Variants in FSIP1 observed in about 807,000 individuals in gnomAD.
FSIP1 encodes fibrous sheath-interacting protein 1.
Under a neutral mutation model 60.9 loss-of-function variants are expected in FSIP1, and 65 were observed. That is an observed-to-expected ratio of 1.07 (90% CI 0.87 to 1.31). The LOEUF is 1.31. FSIP1 is among the 40% of genes most tolerant of loss of function. The pLI is 0.00. For synonymous variants in FSIP1, 209 were observed against 221.2 expected, an observed-to-expected ratio of 0.94 and a Z score of 0.49; for missense variants, 675 against 665.5, an observed-to-expected ratio of 1.01 and a Z score of -0.16.
At chr15:39,655,029 A>G (rs1412251167) in intron 10 of FSIP1, among the ~76,000 whole-genome samples, 1 of 152,214 alleles carries the variant, frequency 6.6e-6, no homozygotes, top group Non-Finnish European at 1.5e-5. Context: ...TTGAGCTGGC[A>G]TTCTCTATTT....
intron 1 of FSIP1, among the ~76,000 whole-genome samples, chr15:39,781,898 C>T (rs1898277476): frequency 6.6e-6 from 1 of 152,198 alleles, no homozygotes; most frequent in Admixed American, 6.5e-5. Flanking sequence ...TTGGTAATTA[C>T]ATAACTGTAT....
downstream of FSIP1, chr15:39,597,995 T>A (rs1247801544): frequency 6.6e-6 from 1 of 152,138 alleles, no homozygotes; most frequent in Non-Finnish European, 1.5e-5. Context: ...GAAGGAATAA[T>A]AAGTTTAATC....
chr15:39,618,131 C>T lies in FSIP1; in HGVS notation c.1303G>A (p.Glu435Lys), dbSNP rs1482787943. 1 of 1,614,036 alleles carries T rather than the reference C, an allele frequency of 6.2e-7. No homozygotes were observed. Among genetic ancestry groups the T allele is most frequent in the African/African-American group, 1.3e-5 (1 of 74,934 alleles). The change falls in exon 11 of 12, where the codon GAG (glutamate) becomes AAG (lysine). Residue 435 changes from glutamate (E) to lysine (K), a missense_variant. Glu to Lys is a moderately conservative substitution (Grantham distance 56). Coordinates refer to ENST00000350221, the MANE Select transcript of FSIP1 (RefSeq NM_152597.5). Reference protein sequence around the residue: ...LSSERKKEDIEDVTPVFPQLS... With the variant: ...LSSERKKEDIKDVTPVFPQLS... ...TGGGGGAACACAGGTGTTACGTCCT[C>T]AATGTCTTCCTTTTTTCTTTCTGAA...
chr15:39,628,082 G>T (rs1891719475), intron 10 of FSIP1, among the ~76,000 whole-genome samples: 1 of 152,228 alleles, frequency 6.6e-6, no homozygotes, highest in Non-Finnish European at 1.5e-5. Flanking sequence ...ATAGGAGATA[G>T]GAGGCAAAGT....
chr15:39,600,942 A>G lies in FSIP1; in HGVS notation c.1700-16T>C. On this transcript the variant is annotated splice_polypyrimidine_tract_variant and intron_variant, in intron 11 of 11. Coordinates refer to ENST00000350221, the MANE Select transcript of FSIP1 (RefSeq NM_152597.5). ...TCCTGCTCATCTGCACATAAAAACA[A>G]TAACCACAGTTATTAGAGATTCAGA... is the stretch of plus-strand genomic sequence containing the variant. The G allele has an allele frequency of 1.9e-6, 3 of 1,597,898 alleles. No individual in the cohort carries two copies. Among genetic ancestry groups the G allele is most frequent in the Non-Finnish European group, 2.6e-6 (3 of 1,171,638 alleles).
chr15:39,634,516 C>T (rs527618595), intron 10 of FSIP1, among the ~76,000 whole-genome samples: 6 of 152,314 alleles, frequency 3.9e-5, no homozygotes, highest in Admixed American at 3.9e-4. Flanking sequence ...TCTGGCAACA[C>T]CTGGATAGAG....
At chr15:39,611,505 T>C (rs1280100115) in intron 11 of FSIP1, among the ~76,000 whole-genome samples, 1 of 152,116 alleles carries the variant, frequency 6.6e-6, no homozygotes, top group Admixed American at 6.6e-5. Flanking sequence ...AAACCTGTAA[T>C]AGTTGCACAA....
At chr15:39,683,964 C>T (rs369750063) in intron 10 of FSIP1, among the ~76,000 whole-genome samples, 24 of 152,150 alleles carry the variant, frequency 1.6e-4, no homozygotes, top group East Asian at 1.3e-3. Context: ...CAGAGGCATA[C>T]CATGTTGATG....
intron 7 of FSIP1, among the ~76,000 whole-genome samples, chr15:39,739,146 T>C (rs1477533931): frequency 6.6e-6 from 1 of 152,092 alleles, no homozygotes; most frequent in Admixed American, 6.5e-5. Flanking sequence ...CAAAGATAGG[T>C]GCTTGAAGCA....
At chr15:39,652,701 G>T (rs950481767) in intron 10 of FSIP1, among the ~76,000 whole-genome samples, 1 of 151,934 alleles carries the variant, frequency 6.6e-6, no homozygotes, top group African/African-American at 2.4e-5. Flanking sequence ...TATTTCATTT[G>T]TTATACACAA....
intron 10 of FSIP1, among the ~76,000 whole-genome samples, chr15:39,636,022 C>G (rs1892123017): frequency 6.6e-6 from 1 of 152,100 alleles, no homozygotes; most frequent in Non-Finnish European, 1.5e-5. Flanking sequence ...TCAAGGAAAA[C>G]AATTGGAATA....
intron 10 of FSIP1, among the ~76,000 whole-genome samples, chr15:39,631,288 G>A (rs1179419214): frequency 2.0e-5 from 3 of 152,098 alleles, no homozygotes; most frequent in South Asian, 2.1e-4. Context: ...TTCTCTCCCC[G>A]ATGTCTTGTT....
At chr15:39,639,426 C>G (rs189747310) in intron 10 of FSIP1, among the ~76,000 whole-genome samples, 3 of 151,978 alleles carry the variant, frequency 2.0e-5, no homozygotes, top group Non-Finnish European at 2.9e-5. Context: ...GTAATTGAAA[C>G]AAACAATTTT....
chr15:39,648,623 ATAGTGATGTAAAT>A (rs1892732436), intron 10 of FSIP1, among the ~76,000 whole-genome samples: 3 of 152,258 alleles, frequency 2.0e-5, no homozygotes, highest in Admixed American at 2.0e-4. Context: ...TTTTAAAATT[ATAGTGATGTAAAT>A]AAGATACTAA....
chr15:39,688,326 C>T (rs907647555), intron 10 of FSIP1, among the ~76,000 whole-genome samples: 17 of 152,176 alleles, frequency 1.1e-4, no homozygotes, highest in African/African-American at 3.9e-4. Flanking sequence ...TACTGAACAT[C>T]ATAGTTTAGT....
intron 10 of FSIP1, among the ~76,000 whole-genome samples, chr15:39,682,483 G>T (rs1894205392): frequency 6.6e-6 from 1 of 152,174 alleles, no homozygotes; most frequent in South Asian, 2.1e-4. Flanking sequence ...TGCAGGCACA[G>T]CCCACGGCAT....
chr15:39,775,702 C>G (rs905981868), intron 2 of FSIP1, among the ~76,000 whole-genome samples: 4 of 152,116 alleles, frequency 2.6e-5, no homozygotes, highest in African/African-American at 9.7e-5. Context: ...GTAGCACCTC[C>G]TCCTTCACTC....
intron 9 of FSIP1, among the ~76,000 whole-genome samples, chr15:39,718,562 C>A (rs1895839178): frequency 2.0e-5 from 3 of 149,620 alleles, no homozygotes. Context: ...ACAACCACAT[C>A]TCACTGCAGA....
At chr15:39,745,486 T>C (rs1896963213) in intron 5 of FSIP1, among the ~76,000 whole-genome samples, 1 of 152,160 alleles carries the variant, frequency 6.6e-6, no homozygotes. Context: ...TCAGAAAAAT[T>C]AATAAAAATA....
Sources: allele counts gnomAD v4.1 joint callset (sites outside exome capture counted in the v4.1 genomes callset), GRCh38; gene constraint gnomAD v4.1.1; transcripts MANE v1.5; gene names NCBI Gene and HGNC (gene_info 2026-07-23, HGNC 2026-07-21).